VKORC1L1: variants seen among roughly 807,000 people sequenced by gnomAD.
The protein encoded by VKORC1L1 is vitamin K epoxide reductase complex subunit 1L1.
In VKORC1L1, 2 loss-of-function variants were observed where a neutral mutation model predicts 18.9. That is an observed-to-expected ratio of 0.11 (90% CI 0.04 to 0.33). The LOEUF is 0.33. Among genes scored for constraint, VKORC1L1 ranks in the 10% least tolerant of loss-of-function variants. The pLI is 1.00. For synonymous variants in VKORC1L1, 96 were observed against 100.0 expected (o/e 0.96, Z 0.24); for missense variants, 123 against 224.1 (o/e 0.55, Z 2.88).
intron 1 of VKORC1L1, among the ~76,000 whole-genome samples, chr7:65,905,535 T>C (rs1172689569): frequency 2.6e-5 from 4 of 152,088 alleles, no homozygotes; most frequent in African/African-American, 4.8e-5. Context: ...GGTCTCAATC[T>C]CCTGACCTCG....
At chr7:65,895,473 AAAAAAAAATATATATATAT>A (rs1351655980) in intron 1 of VKORC1L1, among the ~76,000 whole-genome samples, 91 of 48,702 alleles carry the variant, frequency 1.9e-3, no homozygotes, top group African/African-American at 6.4e-3. Context: ...AAAAAAAAAA[AAAAAAAAATATATATATAT>A]ATATATATAT....
chr7:65,897,635 A>G (rs1789236800), intron 1 of VKORC1L1, among the ~76,000 whole-genome samples: 1 of 152,016 alleles, frequency 6.6e-6, no homozygotes. Context: ...AAGTCAGGGT[A>G]GTATTACTCT....
rs1351883706 is a variant in VKORC1L1, at chr7:65,890,222, C to G, written c.194+16657C>G. On this transcript the variant is annotated intron_variant, in intron 1 of 2. Coordinates refer to ENST00000360768, the MANE Select transcript of VKORC1L1 (RefSeq NM_173517.6). ...CTCGGCTTACTGCAGCCTCCACCTC[C>G]TGGGTTCACACCGTTCTCCTGCCTC... is the stretch of plus-strand genomic sequence containing the variant. 2.7e-5 allele frequency among the ~76,000 whole-genome samples: 4 copies of G among 148,350 alleles called. No individual in the cohort carries two copies. The East Asian group carries it at 8.0e-4, about 30-fold the overall frequency.
chr7:65,907,507 T>C (rs546143762), intron 1 of VKORC1L1, among the ~76,000 whole-genome samples: 1 of 152,250 alleles, frequency 6.6e-6, no homozygotes, highest in Non-Finnish European at 1.5e-5. Context: ...ATGGTAGCAA[T>C]ATTTCTGACG....
At chr7:65,939,940 T>C (rs1180810053) in intron 1 of VKORC1L1, among the ~76,000 whole-genome samples, 1 of 152,218 alleles carries the variant, frequency 6.6e-6, no homozygotes, top group Non-Finnish European at 1.5e-5. Context: ...GCACCCATGC[T>C]GTTGATTGCC....
intron 1 of VKORC1L1, 60 bp downstream of exon 1, chr7:65,873,625 G>C: frequency 1.4e-6 from 2 of 1,402,146 alleles, no homozygotes; most frequent in African/African-American, 1.5e-5. Context: ...GGAGTCTCGG[G>C]GTGGGGAGCG....
At chr7:65,911,995 C>T (rs1250425035) in intron 1 of VKORC1L1, among the ~76,000 whole-genome samples, 1 of 152,100 alleles carries the variant, frequency 6.6e-6, no homozygotes, top group African/African-American at 2.4e-5. Flanking sequence ...CCACTATTGA[C>T]ATATAATCCC....
intron 1 of VKORC1L1, among the ~76,000 whole-genome samples, chr7:65,880,238 A>G (rs185785547): frequency 1.6e-4 from 24 of 152,248 alleles, no homozygotes; most frequent in Admixed American, 5.9e-4. Flanking sequence ...TATGCAAACA[A>G]TGGTGCCAGT....
At chr7:65,940,579 A>G (rs2115700891) in intron 1 of VKORC1L1, among the ~76,000 whole-genome samples, 1 of 152,278 alleles carries the variant, frequency 6.6e-6, no homozygotes, top group East Asian at 1.9e-4. Flanking sequence ...AGGACCAGAG[A>G]GTAGCCAGCC....
intron 1 of VKORC1L1, among the ~76,000 whole-genome samples, chr7:65,940,342 T>G (rs1383719996): frequency 2.0e-5 from 3 of 152,176 alleles, no homozygotes; most frequent in Admixed American, 6.6e-5. Flanking sequence ...AATGTATAAT[T>G]ACATACCCAA....
chr7:65,931,429 A>G (rs1430614986), intron 1 of VKORC1L1, among the ~76,000 whole-genome samples: 3 of 152,032 alleles, frequency 2.0e-5, no homozygotes, highest in Non-Finnish European at 2.9e-5. Context: ...GTATTTCTTG[A>G]GTGAGTTTTG....
intron 1 of VKORC1L1, among the ~76,000 whole-genome samples, chr7:65,891,759 G>T (rs990290608): frequency 2.0e-5 from 3 of 152,042 alleles, no homozygotes; most frequent in Admixed American, 6.6e-5. Flanking sequence ...ATCAAATTAG[G>T]GTAGAGTACC....
At chr7:65,899,046 G>A (rs1789265251) in intron 1 of VKORC1L1, among the ~76,000 whole-genome samples, 1 of 152,176 alleles carries the variant, frequency 6.6e-6, no homozygotes, top group Non-Finnish European at 1.5e-5. Context: ...AAAAAGACAT[G>A]ACCTTATTCA....
rs187909974 is a variant in VKORC1L1 at position 65,903,312 on chromosome 7, G to T, written c.194+29747G>T. ...CTCCCAAGTAGCTGTGATTACAGGC[G>T]CATGCCACCACGCCTGGCTAATTTT... On this transcript the variant is annotated intron_variant, in intron 1 of 2. Transcript: ENST00000360768. 1.9e-3 allele frequency among the ~76,000 whole-genome samples: 286 copies of T among 151,666 alleles called. 3 individuals carry two copies. The highest frequency in any genetic ancestry group is 6.8e-3 in the African/African-American group (279 of 41,322).
chr7:65,871,141 C>A (rs1788720567), upstream of VKORC1L1, among the ~76,000 whole-genome samples: 1 of 152,114 alleles, frequency 6.6e-6, no homozygotes, highest in South Asian at 2.1e-4. Context: ...GTAATCCTCT[C>A]CCTCTGAGCA....
At chr7:65,931,023 G>A (rs150571144) in intron 1 of VKORC1L1, among the ~76,000 whole-genome samples, 12 of 152,066 alleles carry the variant, frequency 7.9e-5, no homozygotes, top group East Asian at 1.9e-4. Flanking sequence ...GATGAATTAC[G>A]CTGATTGGTT....
chr7:65,881,941 A>G (rs1299109622), intron 1 of VKORC1L1, among the ~76,000 whole-genome samples: 1 of 151,732 alleles, frequency 6.6e-6, no homozygotes, highest in Non-Finnish European at 1.5e-5. Flanking sequence ...TTAGCCGGGC[A>G]TGGTAGTGGG....
At chr7:65,895,992 T>G (rs1583831739) in intron 1 of VKORC1L1, among the ~76,000 whole-genome samples, 1 of 145,192 alleles carries the variant, frequency 6.9e-6, no homozygotes, top group Non-Finnish European at 1.5e-5. Context: ...GCCTCCCGGG[T>G]TCAAGCGATT....
intron 1 of VKORC1L1, among the ~76,000 whole-genome samples, chr7:65,920,957 TG>T (rs1489899843): frequency 1.3e-5 from 2 of 152,208 alleles, no homozygotes; most frequent in African/African-American, 4.8e-5. Flanking sequence ...AAGTTAAATA[TG>T]GGTCTTTCTA....
Sources: allele counts gnomAD v4.1 joint callset (sites outside exome capture counted in the v4.1 genomes callset), GRCh38; gene constraint gnomAD v4.1.1; transcripts MANE v1.5; gene names NCBI Gene and HGNC (gene_info 2026-07-23, HGNC 2026-07-21).